Variants in SYTL2 observed in about 807,000 individuals in gnomAD.
SYTL2 encodes the protein synaptotagmin like 2, also known as synaptotagmin-like protein 2.
SYTL2 carries 165 observed loss-of-function variants against 198.7 expected under a neutral mutation model. The ratio of observed to expected loss-of-function variants is 0.83; its 90% CI spans 0.73 to 0.94. SYTL2 has a LOEUF of 0.94. SYTL2 is among the 40% of genes least tolerant of loss of function. The pLI is 0.00. For missense variants in SYTL2, 2,835 were observed against 2,582.8 expected, an observed-to-expected ratio of 1.10 and a Z score of -2.12; for synonymous variants, 966 against 917.7, an observed-to-expected ratio of 1.05 and a Z score of -0.95.
intron 17 of SYTL2, 111 bp downstream of exon 17, chr11:85,700,404 A>T: frequency 1.3e-6 from 1 of 798,678 alleles, no homozygotes; most frequent in Non-Finnish European, 2.1e-6. Flanking sequence ...TCTATACGTT[A>T]CTAACTTGAT....
chr11:85,782,742 G>A (rs1261458857), intron 1 of SYTL2, among the ~76,000 whole-genome samples: 3 of 152,142 alleles, frequency 2.0e-5, no homozygotes, highest in Non-Finnish European at 4.4e-5. Flanking sequence ...CAAGTTCAAA[G>A]TTTCATCTCT....
the SYTL2 span, chr11:85,852,933 G>A: frequency 4.1e-5 from 12 of 292,682 alleles, no homozygotes; most frequent in South Asian, 1.5e-4. Flanking sequence ...GGTGAGGAGC[G>A]TCTCTACCCG....
Position 85,734,243 on chromosome 11 carries a change from A to C in SYTL2, c.1086T>G (p.Ser362=). The C allele has an allele frequency of 6.2e-7, 1 of 1,614,204 alleles. No homozygotes were observed. The highest frequency in any genetic ancestry group is 8.5e-7 in the Non-Finnish European group (1 of 1,180,032). Reference sequence around the variant, plus strand: ...CTTCCATTCCATTTTTCAATCTGTCAGATTCTAAAACACTAAATTCTCCTA... The same window carrying C: ...CTTCCATTCCATTTTTCAATCTGTCCGATTCTAAAACACTAAATTCTCCTA... ...REVGEFSVLE[S]DRLKNGMEDA... The change falls in exon 7 of 20, where the codon TCT becomes TCG. Residue 362 remains serine (S), a synonymous_variant. Transcript: ENST00000359152.
chr11:85,805,508 C>G (rs2092947207), intron 1 of SYTL2, among the ~76,000 whole-genome samples: 1 of 152,164 alleles, frequency 6.6e-6, no homozygotes, highest in Admixed American at 6.5e-5. Flanking sequence ...ATAGATTTGA[C>G]TGAGGAACTT....
At chr11:85,742,442 TC>T (rs1313731625) in intron 4 of SYTL2, among the ~76,000 whole-genome samples, 1 of 152,188 alleles carries the variant, frequency 6.6e-6, no homozygotes, top group Non-Finnish European at 1.5e-5. Context: ...CTCAGCCATG[TC>T]CTGTGGATTA....
At chr11:85,766,378 C>T (rs2092238948) in intron 1 of SYTL2, among the ~76,000 whole-genome samples, 2 of 152,160 alleles carry the variant, frequency 1.3e-5, no homozygotes, top group Admixed American at 6.5e-5. Context: ...AAACTTCATA[C>T]CTGAGCTGAA....
the SYTL2 span, among the ~76,000 whole-genome samples, chr11:85,817,439 A>G: frequency 6.6e-6 from 1 of 152,202 alleles, no homozygotes; most frequent in Non-Finnish European, 1.5e-5. Flanking sequence ...GTAATTTTGT[A>G]TTGATTACAT....
At chr11:85,721,092 T>G in intron 8 of SYTL2, 133 bp from the exon 9 acceptor site, 1 of 586,646 alleles carries the variant, frequency 1.7e-6, no homozygotes, top group Non-Finnish European at 3.0e-6. Flanking sequence ...AGCACTTATT[T>G]CACAGAAGAA....
intron 10 of SYTL2, among the ~76,000 whole-genome samples, chr11:85,718,023 C>G (rs1381227496): frequency 5.9e-5 from 9 of 152,166 alleles, no homozygotes; most frequent in Non-Finnish European, 1.3e-4. Context: ...TTAAGGAGCT[C>G]TGTTGCTGCA....
chr11:85,799,831 C>T (rs1053281873), intron 1 of SYTL2, among the ~76,000 whole-genome samples: 1 of 152,204 alleles, frequency 6.6e-6, no homozygotes, highest in Non-Finnish European at 1.5e-5. Context: ...CCCCACTGGA[C>T]TCTGAGCCTA....
At chr11:85,700,321 CTTTT>C (rs10607209) in intron 17 of SYTL2, among the ~76,000 whole-genome samples, 190 bp downstream of exon 17, 11 of 137,834 alleles carry the variant, frequency 8.0e-5, no homozygotes, top group East Asian at 2.1e-4. Flanking sequence ...TTTATGTTTT[CTTTT>C]TTTTTTTTTT....
At chr11:85,847,835 G>C in the SYTL2 span, among the ~76,000 whole-genome samples, 1 of 152,104 alleles carries the variant, frequency 6.6e-6, no homozygotes, top group African/African-American at 2.4e-5. Flanking sequence ...TATTGAGCTT[G>C]AGGAATTATT....
intron 16 of SYTL2, among the ~76,000 whole-genome samples, chr11:85,701,142 G>A (rs973907487): frequency 9.9e-5 from 15 of 152,168 alleles, no homozygotes; most frequent in South Asian, 2.1e-4. Context: ...TCAAGTACAC[G>A]TTGAATATTC....
At chr11:85,851,601 A>C in the SYTL2 span, among the ~76,000 whole-genome samples, 1 of 152,238 alleles carries the variant, frequency 6.6e-6, no homozygotes, top group South Asian at 2.1e-4. Flanking sequence ...AACTCAGCAA[A>C]TGGTTTTTAT....
intron 1 of SYTL2, among the ~76,000 whole-genome samples, chr11:85,778,324 G>T (rs946805775): frequency 6.6e-6 from 1 of 152,198 alleles, no homozygotes; most frequent in African/African-American, 2.4e-5. Context: ...CAGTGGGGAT[G>T]GGGTAGAGCC....
chr11:85,748,449 T>G lies in SYTL2; in HGVS notation c.102-26A>C, dbSNP rs75822542. ...CTACAAAAGGAAAAGATCTTTAGTT[T>G]GCTGAGAACCCACAGTAAATAAATG... is the stretch of plus-strand genomic sequence containing the variant. On this transcript the variant is annotated intron_variant, in intron 2 of 19. Transcript: ENST00000359152. 2.2e-4 allele frequency: 348 copies of G among 1,611,986 alleles called. No homozygotes were observed. In the East Asian group the frequency reaches 6.2e-3, roughly 29 times the overall value.
At position 85,734,503 on chromosome 11, in the gene SYTL2, G is replaced by A. The variant is rs925003859; in HGVS notation, c.826C>T (p.Arg276Cys). The change falls in exon 7 of 20, where the codon CGC (arginine) becomes TGC (cysteine). Residue 276 changes from arginine to cysteine, a missense_variant. Arg to Cys is a radical substitution (Grantham distance 180). Around this residue, in one of 3 missense-constraint regions of SYTL2, gnomAD observed 2,645 missense variants for 2,381.7 expected, o/e 1.11. Transcript: ENST00000359152. ...TCTGTGCTACTGGAACTGGAGTTGCGCTTGAGGATCCCTCTCGGAGCCCCT... is the reference window on the plus strand; with the variant it reads ...TCTGTGCTACTGGAACTGGAGTTGCACTTGAGGATCCCTCTCGGAGCCCCT... Reference protein sequence around the residue: ...ARGAPRGILKRNSSSSSTDSE... With the variant: ...ARGAPRGILKCNSSSSSTDSE... 9.3e-6 allele frequency: 15 copies of A among 1,614,082 alleles called. No individual in the cohort carries two copies. Among genetic ancestry groups the A allele is most frequent in the African/African-American group, 1.3e-5 (1 of 74,920 alleles).
At chr11:85,745,483 T>G (rs1318238932) in intron 4 of SYTL2, among the ~76,000 whole-genome samples, 154 bp downstream of exon 4, 1 of 152,206 alleles carries the variant, frequency 6.6e-6, no homozygotes, top group Non-Finnish European at 1.5e-5. Context: ...GGGCTTTATC[T>G]GCATCGGGGC....
chr11:85,745,859 T>C, intron 3 of SYTL2, 87 bp from the exon 4 acceptor site: 1 of 1,382,912 alleles, frequency 7.2e-7, no homozygotes, highest in Non-Finnish European at 9.9e-7. Flanking sequence ...ACTGAAGCCT[T>C]GAACCTGAAC....
Sources: allele counts gnomAD v4.1 joint callset (sites outside exome capture counted in the v4.1 genomes callset), GRCh38; gene constraint gnomAD v4.1.1; regional missense constraint gnomAD v4.1.1; transcripts MANE v1.5; gene names NCBI Gene and HGNC (gene_info 2026-07-23, HGNC 2026-07-21).